TRPM1: variants seen among roughly 807,000 people sequenced by gnomAD.
TRPM1 encodes transient receptor potential cation channel subfamily M member 1.
Under a neutral mutation model 149.4 loss-of-function variants are expected in TRPM1, and 113 were observed. The ratio of observed to expected loss-of-function variants is 0.76; its 90% CI spans 0.65 to 0.88. The LOEUF (loss-of-function observed/expected upper bound fraction) is 0.88, where lower values mean the gene tolerates loss of function less well. TRPM1 is among the 40% of genes least tolerant of loss of function. The pLI is 0.00. For missense variants in TRPM1, 1,976 were observed against 2,038.7 expected (o/e 0.97, Z 0.59); for synonymous variants, 741 against 759.5 (o/e 0.98, Z 0.40).
chr15:31,089,203 GTAGT>G (rs915715893), intron 1 of TRPM1, among the ~76,000 whole-genome samples: 1 of 152,192 alleles, frequency 6.6e-6, no homozygotes, highest in Non-Finnish European at 1.5e-5. Context: ...TCATTTCTAG[GTAGT>G]TCGTAATTCT....
At chr15:31,023,013 CA>C (rs1482508842) in intron 27 of TRPM1, among the ~76,000 whole-genome samples, 2 of 152,002 alleles carry the variant, frequency 1.3e-5, no homozygotes, top group Non-Finnish European at 2.9e-5. Flanking sequence ...GACCTTGTCT[CA>C]AAAACAAAAA....
At chr15:31,150,286 C>T (rs1567081405) in intron 1 of TRPM1, among the ~76,000 whole-genome samples, 1 of 152,010 alleles carries the variant, frequency 6.6e-6, no homozygotes, top group Non-Finnish European at 1.5e-5. Flanking sequence ...CTCTGTGATC[C>T]CTTTGGTTTG....
At chr15:31,050,321 TG>T in intron 12 of TRPM1, 87 bp downstream of exon 12, 1 of 1,596,258 alleles carries the variant, frequency 6.3e-7, no homozygotes. Context: ...ATCAGGGCCC[TG>T]GGTGGGACTG....
rs113996483 is a variant in TRPM1, at chr15:31,149,999, G to T, written c.54+10907C>A. Reference sequence around the variant, plus strand: ...CTTGCTGCATCCCCAGGCCTGGGCGGCAGAAGGAGGAGCCCATCCTCTAGC... The same window carrying T: ...CTTGCTGCATCCCCAGGCCTGGGCGTCAGAAGGAGGAGCCCATCCTCTAGC... On this transcript the variant is annotated intron_variant, in intron 1 of 26. Coordinates refer to the TRPM1 transcript ENST00000542188. Among the ~76,000 whole-genome samples, 1,344 of 152,282 alleles carry T rather than the reference G, an allele frequency of 8.8e-3. 23 individuals are homozygous for T. Among genetic ancestry groups the T allele is most frequent in the African/African-American group, 0.031 (1,282 of 41,564 alleles).
At chr15:31,089,106 A>G (rs558284036) in intron 1 of TRPM1, among the ~76,000 whole-genome samples, 3 of 152,334 alleles carry the variant, frequency 2.0e-5, no homozygotes, top group African/African-American at 7.2e-5. Context: ...ATCAATACAG[A>G]AAATTCGTGA....
intron 1 of TRPM1, among the ~76,000 whole-genome samples, chr15:31,139,822 A>G (rs2141050969): frequency 6.6e-6 from 1 of 152,382 alleles, no homozygotes; most frequent in Non-Finnish European, 1.5e-5. Flanking sequence ...CAGCAATGTA[A>G]GCATAATTGT....
intron 3 of TRPM1, among the ~76,000 whole-genome samples, chr15:31,075,578 C>T (rs2034667160): frequency 6.6e-6 from 1 of 152,168 alleles, no homozygotes; most frequent in Non-Finnish European, 1.5e-5. Flanking sequence ...CAGGACTTAG[C>T]CTCAGCAACA....
intron 27 of TRPM1, among the ~76,000 whole-genome samples, chr15:31,011,503 G>A (rs919552958): frequency 1.2e-4 from 18 of 151,986 alleles, no homozygotes; most frequent in African/African-American, 4.1e-4. Flanking sequence ...TGATCTTCCT[G>A]CCTTAACCTC....
intron 10 of TRPM1, among the ~76,000 whole-genome samples, chr15:31,061,078 CT>C (rs1442290061): frequency 1.3e-5 from 2 of 152,358 alleles, no homozygotes; most frequent in African/African-American, 4.8e-5. Context: ...GCCATGAACG[CT>C]GGCCTGAAGC....
chr15:31,115,993 G>A (rs1193031048), intron 1 of TRPM1, among the ~76,000 whole-genome samples: 1 of 151,956 alleles, frequency 6.6e-6, no homozygotes. Flanking sequence ...CCTCTTTTAT[G>A]AGGGCACTAA....
intron 4 of TRPM1, chr15:31,069,458 AG>A (rs1401084461): frequency 2.9e-6 from 3 of 1,026,420 alleles, no homozygotes; most frequent in Non-Finnish European, 3.5e-6. Flanking sequence ...AATTGCAAAA[AG>A]TCTGTGACTG....
chr15:31,041,920 C>T, intron 17 of TRPM1, 31 bp downstream of exon 17: 2 of 1,613,712 alleles, frequency 1.2e-6, no homozygotes, highest in African/African-American at 2.7e-5. Flanking sequence ...GGTCATCTCT[C>T]CTGGCCTTTA....
intron 3 of TRPM1, 37 bp from the exon 4 acceptor site, chr15:31,070,263 A>G (rs746359867): frequency 1.3e-6 from 2 of 1,580,996 alleles, no homozygotes; most frequent in Non-Finnish European, 1.7e-6. Flanking sequence ...TTCTACAACA[A>G]TCTCCCCCTT....
At chr15:31,066,931 A>G (rs1003941992) in intron 6 of TRPM1, 132 bp downstream of exon 6, 19 of 1,193,798 alleles carry the variant, frequency 1.6e-5, no homozygotes, top group Non-Finnish European at 1.8e-5. Context: ...GCAAGATGTT[A>G]CCATTGGAGG....
At chr15:31,113,432 G>T (rs956146660) in intron 1 of TRPM1, among the ~76,000 whole-genome samples, 8 of 149,482 alleles carry the variant, frequency 5.4e-5, no homozygotes, top group South Asian at 2.1e-4. Context: ...AGCTCTGACA[G>T]TTTTTTTTTT....
At chr15:31,037,646 T>G in intron 20 of TRPM1, 65 bp downstream of exon 20, 1 of 1,611,318 alleles carries the variant, frequency 6.2e-7, no homozygotes, top group Non-Finnish European at 8.5e-7. Flanking sequence ...GAAGTTTTTC[T>G]TGATTCCAAC....
At chr15:31,011,098 A>C (rs148589264) in intron 27 of TRPM1, among the ~76,000 whole-genome samples, 301 of 152,278 alleles carry the variant, frequency 2.0e-3, no homozygotes, top group Non-Finnish European at 3.8e-3. Flanking sequence ...AGCCACTCCA[A>C]CTATTTTTTT....
At chr15:31,084,676 C>CTTTT (rs59470983) in intron 1 of TRPM1, among the ~76,000 whole-genome samples, 1 of 128,484 alleles carries the variant, frequency 7.8e-6, no homozygotes, top group Admixed American at 8.0e-5. Context: ...TTTTTCTTTT[C>CTTTT]TTTTTTTTTT....
intron 1 of TRPM1, among the ~76,000 whole-genome samples, chr15:31,116,582 ACGAGAGC>A: frequency 6.7e-6 from 1 of 150,050 alleles, no homozygotes; most frequent in Non-Finnish European, 1.5e-5. Flanking sequence ...AGCCTGGCCA[ACGAGAGC>A]AAAACTCCAT....
Sources: gnomAD v4.1 joint callset for allele counts (sites outside exome capture counted in the v4.1 genomes callset) on GRCh38, gnomAD v4.1.1 for gene constraint, MANE v1.5 for transcripts, NCBI Gene and HGNC (gene_info 2026-07-23, HGNC 2026-07-21) for gene names.